Variants in HMCN1 observed in about 807,000 individuals in gnomAD.
The protein encoded by HMCN1 is hemicentin-1.
In HMCN1, 321 loss-of-function variants were observed where a neutral mutation model predicts 625.9. The ratio of observed to expected loss-of-function variants is 0.51; its 90% CI spans 0.47 to 0.56. HMCN1 has a LOEUF of 0.56. Among genes scored for constraint, HMCN1 ranks in the 20% least tolerant of loss-of-function variants. HMCN1 has a pLI of 0.00. For missense variants in HMCN1, 6,588 were observed against 6,887.3 expected (o/e 0.96, Z 1.54); for synonymous variants, 2,425 against 2,417.6 (o/e 1.00, Z -0.09).
At chr1:185,768,128 C>T (rs750410168) in intron 1 of HMCN1, among the ~76,000 whole-genome samples, 4 of 152,072 alleles carry the variant, frequency 2.6e-5, no homozygotes, top group Non-Finnish European at 5.9e-5. Flanking sequence ...TATTCCTCAC[C>T]ATACGTTTAC....
At chr1:186,164,240 C>CTT (rs57317105) in intron 97 of HMCN1, among the ~76,000 whole-genome samples, 15 of 131,542 alleles carry the variant, frequency 1.1e-4, no homozygotes, top group South Asian at 7.3e-4. Flanking sequence ...TAACTTAAAT[C>CTT]TTTTTTTTTT....
In HMCN1 at chr1:186,145,458, C is replaced by T. The variant is rs139398979; in HGVS notation, c.14322C>T (p.Asn4774=). ...SGWGTCSRTC[N]GGQMRRYRTC... ...GGGGAACATGCAGCCGGACGTGTAA[C>T]GGAGGGCAGATGCGGCGGTACCGCA... is the stretch of plus-strand genomic sequence containing the variant. Residue 4774 remains asparagine, a synonymous_variant, in exon 92 of 107, where the codon AAC becomes AAT. Transcript: ENST00000271588. The T allele has an allele frequency of 1.5e-4, 247 of 1,607,270 alleles. 1 individual carries two copies. The highest frequency in any genetic ancestry group is 9.6e-4 in the African/African-American group (72 of 74,866).
chr1:186,029,263 G>A (rs1571742165), intron 36 of HMCN1, among the ~76,000 whole-genome samples: 1 of 151,998 alleles, frequency 6.6e-6, no homozygotes, highest in Non-Finnish European at 1.5e-5. Context: ...TTGAAATACA[G>A]TGAGCATCAA....
Position 186,144,170 on chromosome 1 carries a change from C to T in HMCN1, c.13925-3C>T, listed in dbSNP as rs1650137714. ...TTGCAACTGTCTTTTGGGGTGTTTG[C>T]AGTTCATGGAGCATGGAGCGCTTGG... On this transcript the variant is annotated splice_region_variant and splice_polypyrimidine_tract_variant and intron_variant, in intron 89 of 106. Coordinates refer to ENST00000271588, the MANE Select transcript of HMCN1 (RefSeq NM_031935.3). The T allele has an allele frequency of 6.3e-7, 1 of 1,587,286 alleles. No homozygotes were observed. The highest frequency in any genetic ancestry group is 8.6e-7 in the Non-Finnish European group (1 of 1,168,290).
chr1:185,748,859 A>C (rs1358433516), intron 1 of HMCN1, among the ~76,000 whole-genome samples: 1 of 152,248 alleles, frequency 6.6e-6, no homozygotes, highest in Non-Finnish European at 1.5e-5. Flanking sequence ...AGAGTGTCCT[A>C]TAAGGGAAAT....
chr1:185,988,596 G>A (rs1351373778), intron 20 of HMCN1, among the ~76,000 whole-genome samples: 1 of 152,220 alleles, frequency 6.6e-6, no homozygotes, highest in Non-Finnish European at 1.5e-5. Flanking sequence ...AACTAGCACT[G>A]AGTAGAAGTT....
intron 1 of HMCN1, among the ~76,000 whole-genome samples, chr1:185,842,869 C>T (rs1400074005): frequency 6.6e-6 from 1 of 152,134 alleles, no homozygotes; most frequent in Non-Finnish European, 1.5e-5. Flanking sequence ...GGATGTTAGT[C>T]TTCTCCTTTC....
chr1:186,131,674 G>A (rs976504790), intron 85 of HMCN1, among the ~76,000 whole-genome samples: 3 of 151,960 alleles, frequency 2.0e-5, no homozygotes, highest in Admixed American at 2.0e-4. Context: ...GTTTGTTAAG[G>A]AGACCTGAAT....
intron 36 of HMCN1, among the ~76,000 whole-genome samples, chr1:186,032,610 T>A (rs72718887): frequency 0.022 from 3,309 of 152,236 alleles, 47 homozygotes; most frequent in Middle Eastern, 0.065. Context: ...TCGGCCATGA[T>A]TATGTTTCCT....
intron 97 of HMCN1, among the ~76,000 whole-genome samples, chr1:186,164,537 C>A (rs1651753447): frequency 6.6e-6 from 1 of 152,104 alleles, no homozygotes; most frequent in Non-Finnish European, 1.5e-5. Context: ...GCCACCATGC[C>A]CGGCTAACTT....
chr1:185,787,894 A>C (rs1196142072), intron 1 of HMCN1, among the ~76,000 whole-genome samples: 1 of 152,230 alleles, frequency 6.6e-6, no homozygotes, highest in Non-Finnish European at 1.5e-5. Flanking sequence ...GTCAAAAATC[A>C]GGTAGGTGAT....
intron 29 of HMCN1, among the ~76,000 whole-genome samples, chr1:186,006,562 T>A (rs1653647146): frequency 6.6e-6 from 1 of 152,014 alleles, no homozygotes. Context: ...GACATAAATA[T>A]CTTTCAATAT....
chr1:186,065,408 A>T lies in HMCN1; in HGVS notation c.7684A>T (p.Ser2562Cys). The T allele has an allele frequency of 6.2e-7, 1 of 1,607,448 alleles. No homozygotes were observed. The highest frequency in any genetic ancestry group is 8.5e-7 in the Non-Finnish European group (1 of 1,179,412). The part of the protein sequence containing the change: ...ASSPAGHKSR[S>C]FSLNVFVSPT... ...CAGTCCAGCTGGCCACAAGAGCAGG[A>T]GCTTCAGTCTTAATGTATTTGGTAG... Residue 2562 changes from serine to cysteine, a missense_variant, in exon 49 of 107, where the codon AGC becomes TGC. Ser to Cys is a moderately radical substitution (Grantham distance 112). Around this residue, in one of 3 missense-constraint regions of HMCN1, gnomAD observed 4,628 missense variants for 4,853.1 expected, o/e 0.95. Transcript: ENST00000271588.
intron 33 of HMCN1, among the ~76,000 whole-genome samples, chr1:186,017,283 T>C (rs1296525676): frequency 6.6e-6 from 1 of 152,066 alleles, no homozygotes; most frequent in East Asian, 1.9e-4. Context: ...AATTCCATTG[T>C]ATGGACTTAG....
chr1:185,920,409 T>C (rs1666945827), intron 6 of HMCN1, among the ~76,000 whole-genome samples: 1 of 152,154 alleles, frequency 6.6e-6, no homozygotes, highest in African/African-American at 2.4e-5. Context: ...CAGTATAGTA[T>C]AGACACATGA....
At position 185,989,505 on chromosome 1, in the gene HMCN1, A is replaced by T. The variant is rs1299613655; in HGVS notation, c.3066A>T (p.Ser1022=). 1.2e-6 allele frequency: 2 copies of T among 1,613,900 alleles called. No individual in the cohort carries two copies. Among genetic ancestry groups the T allele is most frequent in the South Asian group, 2.2e-5 (2 of 91,084 alleles). Residue 1022 remains serine, a synonymous_variant, in exon 21 of 107, where the codon TCA becomes TCT. Coordinates refer to ENST00000271588, the MANE Select transcript of HMCN1 (RefSeq NM_031935.3). ...TTTTGCAGAAAGGAGAGCTGATTTC[A>T]ACCAGCAGTGCTAAGTTTTCAGCAG... ...VIWSKKGELI[S]TSSAKFSAGA...
Position 186,137,485 on chromosome 1 carries a change from G to A in HMCN1, c.13583-13G>A. The A allele has an allele frequency of 6.2e-7, 1 of 1,612,172 alleles. No individual in the cohort carries two copies. Among genetic ancestry groups the A allele is most frequent in the Non-Finnish European group, 8.5e-7 (1 of 1,179,250 alleles). The stretch of plus-strand genomic sequence containing the variant: ...TGCAAAAGCTTAGACAAAGTACAAT[G>A]TTTTATTTGCAGTTCATGGTGGATT... On this transcript the variant is annotated splice_polypyrimidine_tract_variant and intron_variant, in intron 87 of 106. Transcript: ENST00000271588.
intron 11 of HMCN1, among the ~76,000 whole-genome samples, chr1:185,961,329 A>G (rs185569476): frequency 2.8e-4 from 43 of 152,334 alleles, no homozygotes; most frequent in Non-Finnish European, 4.7e-4. Context: ...ATTCACATCT[A>G]ACTGGCTAAC....
chr1:186,147,116 C>T (rs776712027), intron 93 of HMCN1, among the ~76,000 whole-genome samples: 4 of 152,200 alleles, frequency 2.6e-5, no homozygotes, highest in Non-Finnish European at 5.9e-5. Context: ...GCTTCCATTA[C>T]TCTCTACGCT....
Sources: gnomAD v4.1 joint callset for allele counts (sites outside exome capture counted in the v4.1 genomes callset) on GRCh38, gnomAD v4.1.1 for gene constraint, gnomAD v4.1.1 regional missense constraint, MANE v1.5 for transcripts, NCBI Gene and HGNC (gene_info 2026-07-23, HGNC 2026-07-21) for gene names.